Variants in CDK13 observed in about 807,000 individuals in gnomAD.
CDK13 encodes cyclin dependent kinase 13, also known as cyclin-dependent kinase 13.
A neutral mutation model predicts 137.6 loss-of-function variants in CDK13; 40 were observed. The ratio of observed to expected loss-of-function variants is 0.29; its 90% confidence interval spans 0.23 to 0.38. The LOEUF is 0.38. Among genes scored for constraint, CDK13 ranks in the 10% least tolerant of loss-of-function variants. CDK13 has a pLI of 1.00. For synonymous variants in CDK13, 869 were observed against 760.1 expected, an observed-to-expected ratio of 1.14 and a Z score of -2.36; for missense variants, 1,704 against 1,951.8, an observed-to-expected ratio of 0.87 and a Z score of 2.39.
At chr7:40,029,695 C>T (rs1785325722) in intron 5 of CDK13, among the ~76,000 whole-genome samples, 1 of 151,818 alleles carries the variant, frequency 6.6e-6, no homozygotes, top group Non-Finnish European at 1.5e-5. Context: ...CTCTGTTGCC[C>T]AGGCTGGAGT....
chr7:40,047,789 A>G (rs748906278), intron 6 of CDK13, 32 bp from the exon 7 acceptor site: 3 of 1,494,606 alleles, frequency 2.0e-6, no homozygotes, highest in South Asian at 1.1e-5. Context: ...GTAAATTAAT[A>G]CCTTTTGTTC....
At chr7:40,004,000 T>G (rs1189043023) in intron 5 of CDK13, among the ~76,000 whole-genome samples, 1 of 152,222 alleles carries the variant, frequency 6.6e-6, no homozygotes, top group African/African-American at 2.4e-5. Flanking sequence ...TGTTACTTGT[T>G]TCTGTACAGA....
chr7:40,014,630 A>AT (rs902800395), intron 5 of CDK13, among the ~76,000 whole-genome samples: 15 of 151,050 alleles, frequency 9.9e-5, no homozygotes, highest in African/African-American at 1.5e-4. Context: ...CATTTTTGTA[A>AT]TTTTTTGTAG....
intron 5 of CDK13, among the ~76,000 whole-genome samples, chr7:40,007,985 C>T (rs1314904277): frequency 2.0e-5 from 3 of 152,244 alleles, no homozygotes; most frequent in Non-Finnish European, 2.9e-5. Context: ...CTTGTTTTTA[C>T]AAGACAATGA....
rs970705215 is a variant in CDK13, at chr7:40,046,039, C to T, written c.2543+14C>T. On this transcript the variant is annotated intron_variant, in intron 6 of 13. Transcript: ENST00000181839. ...TCTAAATAATAGGTATGGGTATGAA[C>T]TTTATATATATTTAAAATGAGTTTT... 5.0e-6 allele frequency: 7 copies of T among 1,395,512 alleles called. 1 individual carries two copies. The South Asian group carries it at 7.4e-5, about 15-fold the overall frequency. The allele number at this position is 1,395,512 out of a possible 1,614,324, so 86.4% of individuals were successfully genotyped here.
chr7:39,963,113 T>C (rs1048336647), intron 1 of CDK13, among the ~76,000 whole-genome samples: 29 of 152,232 alleles, frequency 1.9e-4, no homozygotes, highest in African/African-American at 6.3e-4. Context: ...GTGGGCTCTT[T>C]TTTGGTTCCA....
chr7:39,970,042 C>T (rs1388480713), intron 1 of CDK13, among the ~76,000 whole-genome samples: 1 of 145,130 alleles, frequency 6.9e-6, no homozygotes, highest in East Asian at 2.0e-4. Context: ...TTTGAGACAG[C>T]GTGTCTCACT....
rs778699835 is a variant in CDK13, at chr7:40,006,654, C to A, written c.2353+4623C>A. ...GAGGCCAGCTGGGTGTGGGGACACA[C>A]GCCTGTAATCCCAGCTACTATGGAG... On this transcript the variant is annotated intron_variant, in intron 5 of 13. Transcript: ENST00000181839. Among the ~76,000 whole-genome samples the A allele has an allele frequency of 3.3e-5, 5 of 152,110 alleles. No individual in the cohort carries two copies. The South Asian group carries it at 1.0e-3, about 32-fold the overall frequency.
intron 5 of CDK13, among the ~76,000 whole-genome samples, chr7:40,022,616 G>A (rs1413922610): frequency 6.6e-6 from 1 of 151,782 alleles, no homozygotes; most frequent in African/African-American, 2.4e-5. Context: ...TGAGGATTGG[G>A]GCTGGGGTGG....
chr7:40,085,114 ACT>A (rs1294502342), intron 11 of CDK13, among the ~76,000 whole-genome samples: 2 of 152,168 alleles, frequency 1.3e-5, no homozygotes, highest in Admixed American at 1.3e-4. Context: ...TAATCCCAGC[ACT>A]TTGGGAGGCC....
chr7:40,014,826 T>C (rs1303976737), intron 5 of CDK13, among the ~76,000 whole-genome samples: 1 of 152,152 alleles, frequency 6.6e-6, no homozygotes, highest in Non-Finnish European at 1.5e-5. Context: ...GGTATTAGTG[T>C]TTTTCTTAAT....
intron 5 of CDK13, among the ~76,000 whole-genome samples, chr7:40,011,768 G>GA (rs138344241): frequency 6.6e-6 from 1 of 151,660 alleles, no homozygotes; most frequent in East Asian, 1.9e-4. Flanking sequence ...GGCAACAAAA[G>GA]AAAAAAAATA....
intron 9 of CDK13, among the ~76,000 whole-genome samples, chr7:40,064,782 C>CTTT (rs545885222): frequency 2.2e-5 from 3 of 134,544 alleles, no homozygotes; most frequent in Non-Finnish European, 4.8e-5. Context: ...TTTTATGTTA[C>CTTT]TTTTTTTTTT....
intron 5 of CDK13, among the ~76,000 whole-genome samples, chr7:40,023,094 T>C (rs1238248682): frequency 7.6e-6 from 1 of 132,070 alleles, no homozygotes; most frequent in Non-Finnish European, 1.6e-5. Flanking sequence ...TATACTTAAC[T>C]TTTTTTTTTT....
Position 39,987,647 on chromosome 7 carries a change from A to G in CDK13, c.1260A>G (p.Ser420=), listed in dbSNP as rs139746338. 2.0e-3 allele frequency: 3,269 copies of G among 1,611,734 alleles called. 4 individuals are homozygous for G. Among genetic ancestry groups the G allele is most frequent in the Middle Eastern group, 3.0e-3 (18 of 6,044 alleles). Residue 420 remains serine (S), a synonymous_variant, in exon 2 of 14, where the codon TCA becomes TCG. Transcript: ENST00000181839. ...RSRSPYSSRH[S]RSRSRHRLSR... ...GAAGCCCGTATTCATCTAGGCATTC[A>G]AGATCTCGTAGCAGGCACAGATTGT...
At chr7:39,973,828 T>C (rs535294283) in intron 1 of CDK13, among the ~76,000 whole-genome samples, 1 of 152,218 alleles carries the variant, frequency 6.6e-6, no homozygotes, top group South Asian at 2.1e-4. Flanking sequence ...CAGCACCATT[T>C]GTTGAAAAGA....
chr7:40,013,533 C>A (rs906419037), intron 5 of CDK13, among the ~76,000 whole-genome samples: 1 of 152,064 alleles, frequency 6.6e-6, no homozygotes, highest in African/African-American at 2.4e-5. Context: ...TATATGATTC[C>A]ATTTATATGA....
intron 2 of CDK13, among the ~76,000 whole-genome samples, chr7:39,992,361 C>G (rs1397592165): frequency 6.6e-6 from 1 of 151,970 alleles, no homozygotes; most frequent in Non-Finnish European, 1.5e-5. Context: ...GCATGCCCAG[C>G]TAAATTTTGT....
chr7:40,049,670 A>G (rs777174956), intron 7 of CDK13, among the ~76,000 whole-genome samples: 4 of 152,200 alleles, frequency 2.6e-5, no homozygotes, highest in African/African-American at 4.8e-5. Flanking sequence ...AAGTTGTACA[A>G]TAAATCTCTT....
Sources: allele counts gnomAD v4.1 joint callset (sites outside exome capture counted in the v4.1 genomes callset), GRCh38; gene constraint gnomAD v4.1.1; transcripts MANE v1.5; gene names NCBI Gene and HGNC (gene_info 2026-07-23, HGNC 2026-07-21).